Variants in MTBP observed in about 807,000 individuals in gnomAD.
MTBP encodes the protein mdm2-binding protein.
A neutral mutation model predicts 117.0 loss-of-function variants in MTBP; 101 were observed. That is an observed-to-expected ratio of 0.86 (90% CI 0.73 to 1.02). MTBP has a LOEUF of 1.02. Ranked by LOEUF, MTBP falls within the 50% of genes least tolerant of loss-of-function variation. The pLI is 0.00. For missense variants in MTBP, 970 were observed against 1,030.9 expected (o/e 0.94, Z 0.81); for synonymous variants, 350 against 351.5 (o/e 1.00, Z 0.05).
intron 1 of MTBP, 143 bp downstream of exon 1, chr8:120,445,731 G>A: frequency 1.7e-6 from 1 of 573,280 alleles, no homozygotes. Flanking sequence ...AGTTAATGAG[G>A]GCTGCAAAAA....
At position 120,488,227 on chromosome 8, in the gene MTBP, A is replaced by T; in HGVS notation, c.1234A>T (p.Arg412Ter). 1.3e-6 allele frequency: 2 copies of T among 1,597,330 alleles called. No individual in the cohort carries two copies. The highest frequency in any genetic ancestry group is 1.7e-6 in the Non-Finnish European group (2 of 1,174,110). ...CTTGTTACAAGGTAATGGCAATAGA[A>T]GATGTAAAGCCACATTGATTCACTC... ...YLLLQGNGNR[R>*]CKATLIHSAN... Residue 412 changes from arginine (R) to a stop codon, truncating the protein, a stop_gained, in exon 12 of 22, where the codon AGA becomes TGA. Coordinates refer to ENST00000305949, the MANE Select transcript of MTBP (RefSeq NM_022045.5). LOFTEE classifies it high-confidence loss of function.
chr8:120,506,707 A>C lies in MTBP; in HGVS notation c.1729A>C (p.Thr577Pro). The C allele has an allele frequency of 6.3e-7, 1 of 1,598,344 alleles. No homozygotes were observed. The highest frequency in any genetic ancestry group is 8.5e-7 in the Non-Finnish European group (1 of 1,174,668). The change falls in exon 16 of 22, where the codon ACT becomes CCT. Residue 577 changes from threonine to proline, a missense_variant and splice_region_variant. Coordinates refer to ENST00000305949, the MANE Select transcript of MTBP (RefSeq NM_022045.5). The part of the protein sequence containing the change: ...TFEKTKQKMR[T>P]GSLPHSSEQL... ...ATCTGCATAACATTATTTTCCCAGA[A>C]CTGGTTCATTACCTCATTCATCTGA...
intron 11 of MTBP, among the ~76,000 whole-genome samples, chr8:120,483,331 A>AT (rs1246455164): frequency 1.3e-5 from 2 of 151,972 alleles, no homozygotes; most frequent in Non-Finnish European, 1.5e-5. Context: ...ATTTTGCTTT[A>AT]TTATTTCATT....
chr8:120,496,933 C>A (rs1222934573), intron 13 of MTBP, among the ~76,000 whole-genome samples: 1 of 152,168 alleles, frequency 6.6e-6, no homozygotes, highest in Non-Finnish European at 1.5e-5. Flanking sequence ...TCATTTATGT[C>A]TTCCAAAATT....
intron 11 of MTBP, among the ~76,000 whole-genome samples, chr8:120,484,249 T>G (rs1814162236): frequency 6.6e-6 from 1 of 152,306 alleles, no homozygotes; most frequent in African/African-American, 2.4e-5. Context: ...TAATTTCTAA[T>G]AAAACTGGTA....
intron 13 of MTBP, among the ~76,000 whole-genome samples, chr8:120,493,015 C>T (rs1184896525): frequency 6.6e-6 from 1 of 152,078 alleles, no homozygotes; most frequent in African/African-American, 2.4e-5. Flanking sequence ...AGTATGAAAA[C>T]AGCAGTATTA....
At chr8:120,448,021 G>A (rs1250079050) in intron 2 of MTBP, among the ~76,000 whole-genome samples, 3 of 151,668 alleles carry the variant, frequency 2.0e-5, no homozygotes, top group Admixed American at 6.6e-5. Flanking sequence ...CAACCTCCCC[G>A]GCTCAAGTGT....
At position 120,517,811 on chromosome 8, in the gene MTBP, G is replaced by T. The variant is rs373548840; in HGVS notation, c.2247-40G>T. On this transcript the variant is annotated intron_variant, in intron 18 of 21. Transcript: ENST00000305949. Reference sequence around the variant, plus strand: ...AGAAAATGAACTTCGATGTTGATTCGCTTAATCTACGTTCTTGATTTTTTT... The same window carrying T: ...AGAAAATGAACTTCGATGTTGATTCTCTTAATCTACGTTCTTGATTTTTTT... 80 of 1,569,404 alleles carry T rather than the reference G, an allele frequency of 5.1e-5. No individual in the cohort carries two copies. In the African/African-American group the frequency reaches 5.4e-4, roughly 11 times the overall value.
intron 7 of MTBP, 108 bp downstream of exon 7, chr8:120,456,778 T>TATCTTTATA (rs1813479040): frequency 7.2e-6 from 5 of 691,692 alleles, no homozygotes; most frequent in Admixed American, 2.5e-5. Flanking sequence ...TATTCTAGAA[T>TATCTTTATA]AGCACTAAGT....
At chr8:120,496,799 G>A (rs751502660) in intron 13 of MTBP, among the ~76,000 whole-genome samples, 1 of 151,642 alleles carries the variant, frequency 6.6e-6, no homozygotes, top group Non-Finnish European at 1.5e-5. Context: ...CTGACTTCTT[G>A]TGCTATATCC....
chr8:120,458,829 G>A (rs1218326265), intron 7 of MTBP, among the ~76,000 whole-genome samples: 1 of 136,628 alleles, frequency 7.3e-6, no homozygotes, highest in Non-Finnish European at 1.5e-5. Context: ...CCACAAGAGT[G>A]AAACTCCATC....
intron 15 of MTBP, among the ~76,000 whole-genome samples, chr8:120,504,411 C>T (rs1814651807): frequency 6.6e-6 from 1 of 152,144 alleles, no homozygotes; most frequent in Admixed American, 6.5e-5. Flanking sequence ...AGTTCCTACT[C>T]TAACTTGGCT....
chr8:120,486,562 C>T (rs566155205), intron 11 of MTBP, among the ~76,000 whole-genome samples: 5 of 152,218 alleles, frequency 3.3e-5, no homozygotes, highest in South Asian at 2.1e-4. Flanking sequence ...TCATCATATG[C>T]GTCAGGAATT....
Position 120,470,781 on chromosome 8 carries a change from CA to C in MTBP, c.1048-37del, listed in dbSNP as rs1331276383. On this transcript the variant is annotated intron_variant, in intron 10 of 21. Coordinates refer to ENST00000305949, the MANE Select transcript of MTBP (RefSeq NM_022045.5). The stretch of plus-strand genomic sequence containing the variant: ...ACTGGCACTATTCAAGAATGAATCT[CA>C]ATGTGCAATCAATAAAAATATGGTC... 3.6e-6 allele frequency: 5 copies of C among 1,397,270 alleles called. No homozygotes were observed. In the African/African-American group the frequency reaches 7.1e-5, roughly 20 times the overall value. The allele number at this position is 1,397,270 out of a possible 1,614,324, so 86.6% of individuals were successfully genotyped here.
At chr8:120,490,113 G>A (rs1389835005) in intron 12 of MTBP, among the ~76,000 whole-genome samples, 1 of 152,102 alleles carries the variant, frequency 6.6e-6, no homozygotes, top group Non-Finnish European at 1.5e-5. Flanking sequence ...AGGAGATGTG[G>A]TTCATTCAAT....
chr8:120,475,276 A>G (rs1301274950), intron 11 of MTBP, among the ~76,000 whole-genome samples: 4 of 151,930 alleles, frequency 2.6e-5, no homozygotes, highest in Non-Finnish European at 5.9e-5. Context: ...TTTTTACCTT[A>G]GTACTCATGC....
chr8:120,481,376 T>C (rs1350161931), intron 11 of MTBP, among the ~76,000 whole-genome samples: 1 of 152,180 alleles, frequency 6.6e-6, no homozygotes, highest in East Asian at 1.9e-4. Context: ...TATGCAGGTG[T>C]TTATAAAAGC....
chr8:120,477,933 A>T (rs796822570), intron 11 of MTBP, among the ~76,000 whole-genome samples: 1 of 152,194 alleles, frequency 6.6e-6, no homozygotes, highest in African/African-American at 2.4e-5. Context: ...AAATCATTCT[A>T]CTATACAGAC....
chr8:120,478,930 A>G (rs1814008434), intron 11 of MTBP, among the ~76,000 whole-genome samples: 1 of 152,202 alleles, frequency 6.6e-6, no homozygotes, highest in African/African-American at 2.4e-5. Context: ...GTACATATAC[A>G]CCATGAAATA....
Sources: gnomAD v4.1 joint callset for allele counts (sites outside exome capture counted in the v4.1 genomes callset) on GRCh38, gnomAD v4.1.1 for gene constraint, MANE v1.5 for transcripts, NCBI Gene and HGNC (gene_info 2026-07-23, HGNC 2026-07-21) for gene names.